The following HFM1 variants were observed in gnomAD, a reference collection of about 807,000 sequenced individuals.
The protein encoded by HFM1 is helicase for meiosis 1.
Under a neutral mutation model 192.1 loss-of-function variants are expected in HFM1, and 169 were observed. That is an observed-to-expected ratio of 0.88 (90% CI 0.78 to 1.00). The LOEUF is 1.00. Ranked by LOEUF, HFM1 falls within the 50% of genes least tolerant of loss-of-function variation. HFM1 has a pLI of 0.00. For synonymous variants in HFM1, 525 were observed against 537.8 expected, an observed-to-expected ratio of 0.98 and a Z score of 0.33; for missense variants, 1,661 against 1,668.0, an observed-to-expected ratio of 1.00 and a Z score of 0.07.
In HFM1 at chr1:91,261,110, A is replaced by G; in HGVS notation, c.*180T>C. The G allele has an allele frequency of 2.7e-6, 1 of 366,576 alleles. No individual in the cohort carries two copies. The highest frequency in any genetic ancestry group is 5.1e-6 in the Non-Finnish European group (1 of 196,666). The allele number at this position is 366,576 out of a possible 1,614,324, so 22.7% of individuals were successfully genotyped here. A position where few individuals can be genotyped will look rare whatever the true frequency, so the allele number is the denominator to read the frequency against. The stretch of plus-strand genomic sequence containing the variant: ...CTGTAAAAGAGCTTTTCAAGAAGTT[A>G]CAATATAATGGGAAAATAAATCGGC... On this transcript the variant is annotated 3_prime_UTR_variant, in exon 39 of 39. Coordinates refer to ENST00000370425, the MANE Select transcript of HFM1 (RefSeq NM_001017975.6).
At chr1:91,303,956 C>T (rs1457809470) in intron 30 of HFM1, among the ~76,000 whole-genome samples, 1 of 152,070 alleles carries the variant, frequency 6.6e-6, no homozygotes. Flanking sequence ...AGCAATTCTT[C>T]CACCTCACCT....
intron 25 of HFM1, 84 bp from the exon 26 acceptor site, chr1:91,316,560 TAA>T (rs767080020): frequency 2.5e-4 from 114 of 456,526 alleles, no homozygotes; most frequent in South Asian, 3.8e-4. Context: ...ACTAAATTAG[TAA>T]AAAAAAAAAA....
rs758959666 is a variant in HFM1, at chr1:91,353,153, C to G, written c.1730-1G>C. 2 of 1,601,256 alleles carry G rather than the reference C, an allele frequency of 1.2e-6. No homozygotes were observed. The highest frequency in any genetic ancestry group is 1.7e-6 in the Non-Finnish European group (2 of 1,169,568). ...TAAGCAGCACCATCTTTTAAGATATCTGTAATAGAAATATATCAGCTGTTA... is the reference window on the plus strand; with the variant it reads ...TAAGCAGCACCATCTTTTAAGATATGTGTAATAGAAATATATCAGCTGTTA... On this transcript the variant is annotated splice_acceptor_variant, in intron 14 of 38. Coordinates refer to ENST00000370425, the MANE Select transcript of HFM1 (RefSeq NM_001017975.6). LOFTEE classifies it high-confidence loss of function.
intron 20 of HFM1, among the ~76,000 whole-genome samples, chr1:91,326,793 T>C (rs1283712913): frequency 1.3e-5 from 2 of 152,118 alleles, no homozygotes; most frequent in African/African-American, 2.4e-5. Flanking sequence ...TCAAAAATAA[T>C]AGCTACAACA....
Position 91,379,224 on chromosome 1 carries a change from TA to T in HFM1, c.1007-11del. 6.3e-7 allele frequency: 1 copy of T among 1,583,550 alleles called. No homozygotes were observed. Among genetic ancestry groups the T allele is most frequent in the Non-Finnish European group, 8.5e-7 (1 of 1,169,734 alleles). On this transcript the variant is annotated splice_polypyrimidine_tract_variant and intron_variant, in intron 8 of 38. Coordinates refer to ENST00000370425, the MANE Select transcript of HFM1 (RefSeq NM_001017975.6). The stretch of plus-strand genomic sequence containing the variant: ...GCTTTTATTGGTGCCACTGTAACAA[TA>T]TAAAATATTTACTTTGAACATCAGT...
At chr1:91,298,626 A>C (rs182719593) in intron 30 of HFM1, among the ~76,000 whole-genome samples, 5 of 152,192 alleles carry the variant, frequency 3.3e-5, no homozygotes, top group African/African-American at 1.2e-4. Context: ...GAGTGGGGGC[A>C]AATATTCAAC....
At chr1:91,352,989 T>TC (rs1657156989) in intron 15 of HFM1, 62 bp downstream of exon 15, 2 of 1,080,032 alleles carry the variant, frequency 1.9e-6, no homozygotes, top group Non-Finnish European at 2.7e-6. Context: ...TTTCCTTTTT[T>TC]CCTCTTAAAA....
intron 20 of HFM1, among the ~76,000 whole-genome samples, chr1:91,326,086 T>C (rs893111516): frequency 6.6e-6 from 1 of 151,712 alleles, no homozygotes; most frequent in African/African-American, 2.4e-5. Flanking sequence ...AAAAAATAAT[T>C]TTAAAAAAAT....
chr1:91,369,059 T>C (rs1659792573), intron 13 of HFM1, among the ~76,000 whole-genome samples: 1 of 152,162 alleles, frequency 6.6e-6, no homozygotes, highest in African/African-American at 2.4e-5. Flanking sequence ...CTATCCTAAA[T>C]ATATATGCAC....
chr1:91,369,052 T>A (rs998321756), intron 13 of HFM1, among the ~76,000 whole-genome samples: 1 of 152,140 alleles, frequency 6.6e-6, no homozygotes, highest in African/African-American at 2.4e-5. Context: ...GAGCTAACTA[T>A]CCTAAATATA....
intron 25 of HFM1, among the ~76,000 whole-genome samples, chr1:91,318,569 C>A (rs1367686690): frequency 1.3e-5 from 2 of 151,838 alleles, no homozygotes; most frequent in Non-Finnish European, 2.9e-5. Context: ...TCCCTATAGA[C>A]AAAATAATCA....
chr1:91,346,204 C>T (rs1209685931), intron 19 of HFM1, among the ~76,000 whole-genome samples: 1 of 152,168 alleles, frequency 6.6e-6, no homozygotes, highest in East Asian at 1.9e-4. Flanking sequence ...TTTGCTAACC[C>T]TATACTGACT....
rs1657148729 is a variant in HFM1, at chr1:91,352,934, T to C, written c.1831+117A>G. On this transcript the variant is annotated intron_variant, in intron 15 of 38. Coordinates refer to ENST00000370425, the MANE Select transcript of HFM1 (RefSeq NM_001017975.6). ...ACATGCATAGGTAACCACTTAATTT[T>C]ATATTCTCAGAAGAAAAGCAGAAAC... is the stretch of plus-strand genomic sequence containing the variant. The C allele has an allele frequency of 3.5e-5, 24 of 689,760 alleles. No homozygotes were observed. In the South Asian group the frequency reaches 5.0e-4, roughly 14 times the overall value. 42.7% of individuals were successfully genotyped at this position (689,760 alleles called of 1,614,324 possible).
chr1:91,305,902 T>G (rs1649535067), intron 30 of HFM1, among the ~76,000 whole-genome samples: 1 of 152,166 alleles, frequency 6.6e-6, no homozygotes, highest in African/African-American at 2.4e-5. Flanking sequence ...ATTATATTAC[T>G]AAGACTTCCA....
intron 13 of HFM1, among the ~76,000 whole-genome samples, chr1:91,370,673 A>C (rs1235170343): frequency 1.3e-5 from 2 of 152,274 alleles, no homozygotes; most frequent in Non-Finnish European, 2.9e-5. Flanking sequence ...CCCTTTGAAA[A>C]CTGGCACAAG....
At chr1:91,303,924 C>A (rs1245104709) in intron 30 of HFM1, among the ~76,000 whole-genome samples, 2 of 152,164 alleles carry the variant, frequency 1.3e-5, no homozygotes, top group African/African-American at 4.8e-5. Context: ...TGGCTCACTG[C>A]AACCTCTACC....
Position 91,375,552 on chromosome 1 carries a change from T to G in HFM1, c.1571A>C (p.Tyr524Ser). The change falls in exon 12 of 39, where the codon TAC (tyrosine) becomes TCC (serine). Residue 524 changes from tyrosine (Y) to serine (S), a missense_variant. Transcript: ENST00000370425. ...CACAAGTGTGGGTTTCTGATCAGAGTACATTTGTATAACACTGGCAATTTT... is the reference window on the plus strand; with the variant it reads ...CACAAGTGTGGGTTTCTGATCAGAGGACATTTGTATAACACTGGCAATTTT... ...NYKIASVIQM[Y>S]SDQKPTLVFC... 6.2e-7 allele frequency: 1 copy of G among 1,613,316 alleles called. No individual in the cohort carries two copies. The highest frequency in any genetic ancestry group is 2.2e-5 in the East Asian group (1 of 44,840).
At chr1:91,344,626 TAAAG>T (rs751577650) in intron 19 of HFM1, among the ~76,000 whole-genome samples, 68 of 152,116 alleles carry the variant, frequency 4.5e-4, no homozygotes, top group Non-Finnish European at 7.9e-4. Context: ...ACATATACTA[TAAAG>T]AAACATAAGG....
At chr1:91,283,838 A>T (rs1667685724) in intron 30 of HFM1, among the ~76,000 whole-genome samples, 1 of 152,166 alleles carries the variant, frequency 6.6e-6, no homozygotes, top group Admixed American at 6.5e-5. Flanking sequence ...AATAGCAAGA[A>T]TCTCTGTCAC....
Sources: allele counts gnomAD v4.1 joint callset (sites outside exome capture counted in the v4.1 genomes callset), GRCh38; gene constraint gnomAD v4.1.1; transcripts MANE v1.5; gene names NCBI Gene and HGNC (gene_info 2026-07-23, HGNC 2026-07-21).